GALC: variants seen among roughly 807,000 people sequenced by gnomAD.
GALC encodes galactosylceramidase, also known as galactocerebrosidase.
A neutral mutation model predicts 91.8 loss-of-function variants in GALC; 77 were observed. That is an observed-to-expected ratio of 0.84 (90% CI 0.70 to 1.01). The LOEUF (loss-of-function observed/expected upper bound fraction) is 1.01. Among genes scored for constraint, GALC ranks in the 50% least tolerant of loss-of-function variants. GALC has a pLI of 0.00. For synonymous variants in GALC, 357 were observed against 306.7 expected (o/e 1.16, Z -1.71); for missense variants, 882 against 855.9 (o/e 1.03, Z -0.38).
chr14:87,948,793 C>CT (rs922089492), intron 12 of GALC, among the ~76,000 whole-genome samples: 63 of 151,864 alleles, frequency 4.1e-4, no homozygotes, highest in African/African-American at 1.3e-3. Flanking sequence ...AAAGTATGAA[C>CT]TTTTTTTTCA....
chr14:87,934,298 A>G lies in GALC; in HGVS notation c.*434T>C, dbSNP rs1595183091. On this transcript the variant is annotated 3_prime_UTR_variant, in exon 17 of 17. Transcript: ENST00000261304. ...TTCTTCAGCTTTCTATTATGGCAGC[A>G]TCATCTTGTGATGAAGACACTGGCT... 1.5e-6 allele frequency: 2 copies of G among 1,290,802 alleles called. No homozygotes were observed. The highest frequency in any genetic ancestry group is 2.0e-6 in the Non-Finnish European group (2 of 1,014,100). The allele number at this position is 1,290,802 out of a possible 1,614,324, so 80.0% of individuals were successfully genotyped here. A position where few individuals can be genotyped will look rare whatever the true frequency, so the allele number is the denominator to read the frequency against.
Position 87,934,844 on chromosome 14 carries a change from G to A in GALC, c.1946C>T (p.Ser649Phe), listed in dbSNP as rs1158521193. The change falls in exon 17 of 17, where the codon TCT becomes TTT. Residue 649 changes from serine (S) to phenylalanine (F), a missense_variant. Transcript: ENST00000261304. ...ATTCACAGGGATGTCTGTCCACAGA[G>A]ACTTGTCATTCAGCATGCCAGAGGT... The part of the protein sequence containing the change: ...HFTSGMLNDK[S>F]LWTDIPVNFP... 12 of 1,612,594 alleles carry A rather than the reference G, an allele frequency of 7.4e-6. No individual in the cohort carries two copies. The highest frequency in any genetic ancestry group is 1.0e-5 in the Non-Finnish European group (12 of 1,179,032).
intron 5 of GALC, among the ~76,000 whole-genome samples, chr14:87,984,151 A>AAAAAAC (rs1555383470): frequency 6.7e-6 from 1 of 148,822 alleles, no homozygotes; most frequent in African/African-American, 2.5e-5. Context: ...AAAAAAAAAA[A>AAAAAAC]AACCCAGCTC....
intron 1 of GALC, among the ~76,000 whole-genome samples, chr14:87,991,733 TTAGG>T (rs1482508587): frequency 6.6e-6 from 1 of 152,218 alleles, no homozygotes; most frequent in Non-Finnish European, 1.5e-5. Context: ...TTCTATCAGA[TTAGG>T]TAGGAGTTTC....
At chr14:87,991,907 T>C (rs1887216960) in intron 1 of GALC, among the ~76,000 whole-genome samples, 1 of 152,144 alleles carries the variant, frequency 6.6e-6, no homozygotes, top group Non-Finnish European at 1.5e-5. Context: ...CTCCATGAAA[T>C]ATTGGCTGTT....
intron 10 of GALC, among the ~76,000 whole-genome samples, chr14:87,961,804 T>G (rs887155281): frequency 3.9e-5 from 6 of 152,068 alleles, no homozygotes; most frequent in Admixed American, 2.6e-4. Flanking sequence ...GGTTAAGAAT[T>G]CTCACCAAGG....
chr14:87,993,283 G>A (rs1887319045), upstream of GALC: 2 of 1,539,272 alleles, frequency 1.3e-6, no homozygotes, highest in Admixed American at 3.9e-5. Context: ...CGGGTCAAGG[G>A]CCTCTGACGC....
At position 87,934,530 on chromosome 14, in the gene GALC, T is replaced by G; in HGVS notation, c.*202A>C. 2.8e-6 allele frequency: 4 copies of G among 1,443,532 alleles called. No individual in the cohort carries two copies. Among genetic ancestry groups the G allele is most frequent in the Non-Finnish European group, 2.7e-6 (3 of 1,105,246 alleles). The allele number at this position is 1,443,532 out of a possible 1,614,324, so 89.4% of individuals were successfully genotyped here. A position where few individuals can be genotyped will look rare whatever the true frequency, so the allele number is the denominator to read the frequency against. ...GAACACACCAGGTAATGTTAAAGAT[T>G]CACCAGTTTTCCCCTTGGAATTAAT... On this transcript the variant is annotated 3_prime_UTR_variant, in exon 17 of 17. Transcript: ENST00000261304.
chr14:87,946,623 T>C (rs1038405858), intron 13 of GALC, among the ~76,000 whole-genome samples: 1 of 126,438 alleles, frequency 7.9e-6, no homozygotes, highest in Non-Finnish European at 1.7e-5. Flanking sequence ...GTGCTGGCAG[T>C]TCTTCAATCT....
At chr14:87,976,787 G>GT (rs1886512231) in intron 6 of GALC, 1 of 352,654 alleles carries the variant, frequency 2.8e-6, no homozygotes, top group African/African-American at 2.1e-5. Flanking sequence ...GCTAATTTTT[G>GT]TATTTTTTAG....
At chr14:87,987,656 G>C (rs375028896) in intron 3 of GALC, 2 of 156,588 alleles carry the variant, frequency 1.3e-5, no homozygotes, top group African/African-American at 4.8e-5. Context: ...TAAACTGCCA[G>C]TTGATAACAT....
At position 87,934,420 on chromosome 14, in the gene GALC, C is replaced by T. The variant is rs928739058; in HGVS notation, c.*312G>A. The stretch of plus-strand genomic sequence containing the variant: ...CTTGCAAATAAGATGAAGAGAGCTA[C>T]CTCAGTGTTAGCAGCAAGGCTTCGA... On this transcript the variant is annotated 3_prime_UTR_variant, in exon 17 of 17. Coordinates refer to ENST00000261304, the MANE Select transcript of GALC (RefSeq NM_000153.4). The T allele has an allele frequency of 1.7e-4, 226 of 1,292,248 alleles. No individual in the cohort carries two copies. The highest frequency in any genetic ancestry group is 2.1e-4 in the Non-Finnish European group (214 of 1,013,292). 80.0% of individuals were successfully genotyped at this position (1,292,248 alleles called of 1,614,324 possible).
chr14:87,977,084 C>T (rs1300268335), intron 6 of GALC, among the ~76,000 whole-genome samples: 4 of 148,416 alleles, frequency 2.7e-5, no homozygotes, highest in Non-Finnish European at 5.9e-5. Context: ...CCTGAAATAA[C>T]CACCATTATT....
At chr14:87,968,713 C>A (rs1461999934) in intron 7 of GALC, among the ~76,000 whole-genome samples, 2 of 152,070 alleles carry the variant, frequency 1.3e-5, no homozygotes, top group African/African-American at 2.4e-5. Flanking sequence ...AGGGGATAAA[C>A]CTACAACAGC....
intron 6 of GALC, among the ~76,000 whole-genome samples, chr14:87,979,410 T>C (rs1473211753): frequency 6.6e-6 from 1 of 152,178 alleles, no homozygotes; most frequent in Non-Finnish European, 1.5e-5. Context: ...TAAAAAGTTT[T>C]TGTATCCTGA....
chr14:87,950,433 C>T (rs1017163220), intron 11 of GALC, among the ~76,000 whole-genome samples: 3 of 151,674 alleles, frequency 2.0e-5, no homozygotes, highest in African/African-American at 7.3e-5. Flanking sequence ...TTGCAAGTGA[C>T]TTTTGTAAGT....
intron 10 of GALC, chr14:87,952,558 AAC>A (rs1021705265): frequency 1.0e-5 from 10 of 971,174 alleles, no homozygotes; most frequent in African/African-American, 3.2e-5. Context: ...ACAGTATCAC[AAC>A]ACACAGTTTC....
chr14:87,957,841 C>T (rs535015147), intron 10 of GALC, among the ~76,000 whole-genome samples: 16 of 151,996 alleles, frequency 1.1e-4, no homozygotes, highest in Non-Finnish European at 1.9e-4. Flanking sequence ...CAAAACATGG[C>T]TGAAAGAAAT....
intron 16 of GALC, among the ~76,000 whole-genome samples, chr14:87,939,271 G>T (rs979998543): frequency 6.6e-6 from 1 of 151,786 alleles, no homozygotes; most frequent in African/African-American, 2.4e-5. Context: ...CAAAGTTATT[G>T]GAATCTGATT....
Sources: gnomAD v4.1 joint callset for allele counts (sites outside exome capture counted in the v4.1 genomes callset) on GRCh38, gnomAD v4.1.1 for gene constraint, MANE v1.5 for transcripts, NCBI Gene and HGNC (gene_info 2026-07-23, HGNC 2026-07-21) for gene names.